The following SMARCA4 variants were observed in gnomAD, a reference collection of about 807,000 sequenced individuals.
SMARCA4 encodes the protein SWI/SNF related BAF chromatin remodeling complex subunit ATPase 4, also known as SWI/SNF-related matrix-associated actin-dependent regulator of chromatin subfamily A member 4.
SMARCA4 carries 31 observed loss-of-function variants against 193.9 expected under a neutral mutation model. The ratio of observed to expected loss-of-function variants is 0.16; its 90% CI spans 0.12 to 0.22. The LOEUF is 0.22. Among genes scored for constraint, SMARCA4 ranks in the 10% least tolerant of loss-of-function variants. The pLI, the probability that SMARCA4 is intolerant of heterozygous loss-of-function variation, is 1.00. For synonymous variants in SMARCA4, 942 were observed against 933.1 expected (o/e 1.01, Z -0.17); for missense variants, 1,148 against 2,296.0 (o/e 0.50, Z 10.22).
chr19:11,011,126 C>T (rs1029397847), intron 15 of SMARCA4: 16 of 178,064 alleles, frequency 9.0e-5, no homozygotes, highest in East Asian at 6.8e-4. Flanking sequence ...GCTCTTAATG[C>T]GGCCTGCCAT....
intron 9 of SMARCA4, chr19:10,995,632 C>G (rs898794053): frequency 1.0e-4 from 39 of 389,382 alleles, no homozygotes; most frequent in African/African-American, 7.5e-4. Flanking sequence ...GCAGTGCGGA[C>G]AAAGGTTGAG....
chr19:11,060,351 G>A, intron 34 of SMARCA4, 164 bp downstream of exon 34: 1 of 866,362 alleles, frequency 1.2e-6, no homozygotes, highest in South Asian at 1.5e-5. Context: ...CAGCCAGTAT[G>A]TGGCAGGGCT....
At chr19:10,999,307 C>T (rs757019454) in intron 11 of SMARCA4, among the ~76,000 whole-genome samples, 1 of 152,088 alleles carries the variant, frequency 6.6e-6, no homozygotes, top group Non-Finnish European at 1.5e-5. Flanking sequence ...TCTGAGCAGC[C>T]GGATCTGGGA....
chr19:11,019,182 G>T lies in SMARCA4; in HGVS notation c.2505+159G>T. ...CCTGGAACTCCAGTCACATGGATCC[G>T]GGAGTTTGGACTGGGCAGGGACAGG... On this transcript the variant is annotated intron_variant, in intron 17 of 34. Transcript: ENST00000344626. This position sits in a 1 kb window ranked among gnomAD's most constrained non-coding sequence, Gnocchi z 6.1. 3 of 711,936 alleles carry T rather than the reference G, an allele frequency of 4.2e-6. No homozygotes were observed. The Admixed American group carries it at 6.0e-5, about 14-fold the overall frequency. 44.1% of individuals were successfully genotyped at this position (711,936 alleles called of 1,614,324 possible). A position where few individuals can be genotyped will look rare whatever the true frequency, so the allele number is the denominator to read the frequency against.
chr19:10,982,538 C>T (rs561475373), intron 1 of SMARCA4, among the ~76,000 whole-genome samples: 18 of 150,342 alleles, frequency 1.2e-4, no homozygotes, highest in Non-Finnish European at 1.8e-4. Context: ...CTTGCTCTGT[C>T]GCCCAGGCTG....
intron 15 of SMARCA4, chr19:11,012,434 A>C (rs1245355219): frequency 1.1e-5 from 2 of 185,566 alleles, no homozygotes; most frequent in African/African-American, 4.7e-5. Context: ...AACATTTCCA[A>C]ATTTTCCTTC....
At chr19:10,969,748 C>T (rs1473450555) in intron 1 of SMARCA4, among the ~76,000 whole-genome samples, 1 of 152,144 alleles carries the variant, frequency 6.6e-6, no homozygotes, top group African/African-American at 2.4e-5. Context: ...ATGTTTCTAA[C>T]AGCACGTCCC....
rs1298064636 is a variant in SMARCA4, at chr19:10,987,252, G to T, written c.859+249G>T. ...TGAGCCCTGTATATGTAATTGCTCA[G>T]TAAGTGCTGCAGGCTCCCATCTGTT... On this transcript the variant is annotated intron_variant, in intron 5 of 34. Coordinates refer to ENST00000344626, the MANE Select transcript of SMARCA4 (RefSeq NM_003072.5). The surrounding 1 kb of genome is among the most constrained non-coding windows in gnomAD (Gnocchi z 5.3). 6.6e-6 allele frequency among the ~76,000 whole-genome samples: 1 copy of T among 152,218 alleles called. No homozygotes were observed. Among genetic ancestry groups the T allele is most frequent in the Non-Finnish European group, 1.5e-5 (1 of 68,032 alleles).
chr19:11,014,011 G>T (rs149353147), intron 16 of SMARCA4, among the ~76,000 whole-genome samples: 1 of 152,254 alleles, frequency 6.6e-6, no homozygotes, highest in African/African-American at 2.4e-5. Flanking sequence ...CCCCAGGGCC[G>T]GCTCTTACTG....
At position 10,986,347 on chromosome 19, in the gene SMARCA4, T is replaced by C. The variant is rs2145776741; in HGVS notation, c.514T>C (p.Phe172Leu). Residue 172 changes from phenylalanine (F) to leucine (L), a missense_variant, in exon 4 of 35, where the codon TTT becomes CTT. Physicochemically the swap from Phe to Leu is conservative, Grantham distance 22. Around this residue, in one of 17 missense-constraint regions of SMARCA4, gnomAD observed 201 missense variants for 248.3 expected, o/e 0.81. Transcript: ENST00000344626. This position sits in a 1 kb window ranked among gnomAD's most constrained non-coding sequence, Gnocchi z 6.7. Reference protein sequence around the residue: ...LGQQNRGPTPFNQNQLHQLRA... With the variant: ...LGQQNRGPTPLNQNQLHQLRA... ...GCAGCAGAACCGGGGCCCAACCCCA[T>C]TTAACCAGAACCAGCTGCACCAGCT... 6.2e-7 allele frequency: 1 copy of C among 1,612,798 alleles called. No individual in the cohort carries two copies. Among genetic ancestry groups the C allele is most frequent in the Non-Finnish European group, 8.5e-7 (1 of 1,179,700 alleles).
intron 6 of SMARCA4, 44 bp from the exon 7 acceptor site, chr19:10,989,273 C>G: frequency 6.2e-7 from 1 of 1,612,608 alleles, no homozygotes; most frequent in Non-Finnish European, 8.5e-7. Context: ...ACTGGGTGCC[C>G]TGGCAACCCT....
At position 11,024,277 on chromosome 19, in the gene SMARCA4, G is replaced by T. The variant is rs553169433; in HGVS notation, c.2974-54G>T. 821 of 1,240,918 alleles carry T rather than the reference G, an allele frequency of 6.6e-4. 1 individual carries two copies. The highest frequency in any genetic ancestry group is 9.1e-4 in the Non-Finnish European group (765 of 840,360). 76.9% of individuals were successfully genotyped at this position (1,240,918 alleles called of 1,614,324 possible). ...GGTCAGAGCTGGGTTCGGATGGGGG[G>T]AGTCAGGCCTCAAGCCACCTTGGGC... On this transcript the variant is annotated intron_variant, in intron 20 of 34. Transcript: ENST00000344626.
intron 30 of SMARCA4, among the ~76,000 whole-genome samples, chr19:11,048,272 C>T (rs1027098000): frequency 6.6e-6 from 1 of 152,054 alleles, no homozygotes; most frequent in East Asian, 1.9e-4. Flanking sequence ...CACTCTGTCA[C>T]CCAGGCTGGA....
intron 18 of SMARCA4, 42 bp from the exon 19 acceptor site, chr19:11,021,683 C>T (rs1287452996): frequency 6.3e-7 from 1 of 1,577,906 alleles, no homozygotes. Flanking sequence ...TGCCGGGCCA[C>T]CTGCTGCCCC....
chr19:11,047,039 A>G (rs1055716211), intron 30 of SMARCA4, among the ~76,000 whole-genome samples: 1 of 151,974 alleles, frequency 6.6e-6, no homozygotes, highest in African/African-American at 2.4e-5. Context: ...GGTGTACTTA[A>G]TGGATATTTC....
At chr19:11,045,899 TAGTG>T (rs1197950645) in intron 30 of SMARCA4, among the ~76,000 whole-genome samples, 1 of 151,310 alleles carries the variant, frequency 6.6e-6, no homozygotes, top group Admixed American at 6.6e-5. Context: ...CTGGCCAACA[TAGTG>T]AGACTCTGTC....
At position 11,041,871 on chromosome 19, in the gene SMARCA4, C is replaced by T. The variant is rs1398792867; in HGVS notation, c.4424+311C>T. 6.6e-6 allele frequency among the ~76,000 whole-genome samples: 1 copy of T among 152,124 alleles called. No homozygotes were observed. The highest frequency in any genetic ancestry group is 1.5e-5 in the Non-Finnish European group (1 of 68,006). Reference sequence around the variant, plus strand: ...GAGAGGGGAGGTTGGGGAGAGTGCACCAGCAGAGGCCACAGCAGGCGGAGA... The same window carrying T: ...GAGAGGGGAGGTTGGGGAGAGTGCATCAGCAGAGGCCACAGCAGGCGGAGA... On this transcript the variant is annotated intron_variant, in intron 30 of 34. Coordinates refer to ENST00000344626, the MANE Select transcript of SMARCA4 (RefSeq NM_003072.5). The surrounding 1 kb of genome is among the most constrained non-coding windows in gnomAD (Gnocchi z 5.6).
In SMARCA4 at chr19:11,041,883, A is replaced by G. The variant is rs1262398996; in HGVS notation, c.4424+323A>G. 6.6e-6 allele frequency among the ~76,000 whole-genome samples: 1 copy of G among 152,184 alleles called. No homozygotes were observed. Among genetic ancestry groups the G allele is most frequent in the East Asian group, 1.9e-4 (1 of 5,204 alleles). Reference sequence around the variant, plus strand: ...TGGGGAGAGTGCACCAGCAGAGGCCACAGCAGGCGGAGAGGCTCTGCCAAA... The same window carrying G: ...TGGGGAGAGTGCACCAGCAGAGGCCGCAGCAGGCGGAGAGGCTCTGCCAAA... On this transcript the variant is annotated intron_variant, in intron 30 of 34. Coordinates refer to ENST00000344626, the MANE Select transcript of SMARCA4 (RefSeq NM_003072.5). This position sits in a 1 kb window ranked among gnomAD's most constrained non-coding sequence, Gnocchi z 5.6.
intron 6 of SMARCA4, 93 bp downstream of exon 6, chr19:10,988,017 C>A: frequency 7.4e-7 from 1 of 1,348,958 alleles, no homozygotes; most frequent in Non-Finnish European, 1.0e-6. Flanking sequence ...CTCTAGCAAA[C>A]AGTGCCCTGT....
Sources: allele counts gnomAD v4.1 joint callset (sites outside exome capture counted in the v4.1 genomes callset), GRCh38; gene constraint gnomAD v4.1.1; regional missense constraint gnomAD v4.1.1; non-coding constraint Gnocchi (gnomAD v3.1); transcripts MANE v1.5; gene names NCBI Gene and HGNC (gene_info 2026-07-23, HGNC 2026-07-21).